TSPAN16: variants seen among roughly 807,000 people sequenced by gnomAD.
TSPAN16 encodes tetraspanin 16, also known as tetraspanin-16.
In TSPAN16, 23 loss-of-function variants were observed where a neutral mutation model predicts 25.2. The observed-to-expected ratio is 0.91, with a 90% CI of 0.66 to 1.29. The LOEUF (loss-of-function observed/expected upper bound fraction) is 1.29, where lower values mean the gene tolerates loss of function less well. Among genes scored for constraint, TSPAN16 ranks in the 50% most tolerant of loss-of-function variants. TSPAN16 has a pLI of 0.00. For synonymous variants in TSPAN16, 123 were observed against 124.4 expected, an observed-to-expected ratio of 0.99 and a Z score of 0.08; for missense variants, 272 against 299.9, an observed-to-expected ratio of 0.91 and a Z score of 0.69.
chr19:11,316,086 G>GGTGTGTGTGTGTGTGTGTGTGTGT (rs147500274), downstream of TSPAN16: 6 of 256,484 alleles, frequency 2.3e-5, no homozygotes, highest in African/African-American at 1.8e-4. Flanking sequence ...AATTATTCTT[G>GGTGTGTGTGTGTGTGTGTGTGTGT]GTGTGTGTGT....
downstream of TSPAN16, among the ~76,000 whole-genome samples, chr19:11,318,105 C>T (rs1404534517): frequency 6.6e-6 from 1 of 151,980 alleles, no homozygotes; most frequent in Non-Finnish European, 1.5e-5. Context: ...CGGCTCACTG[C>T]GAGCTCCGCC....
At chr19:11,312,783 G>A (rs905922925) in intron 6 of TSPAN16, among the ~76,000 whole-genome samples, 1 of 151,750 alleles carries the variant, frequency 6.6e-6, no homozygotes, top group Admixed American at 6.6e-5. Flanking sequence ...AAAATTGACA[G>A]AACTTTAGTA....
At chr19:11,320,354 T>C (rs535763437), downstream of TSPAN16, among the ~76,000 whole-genome samples, 3 of 152,030 alleles carry the variant, frequency 2.0e-5, no homozygotes, top group South Asian at 6.2e-4. Context: ...ACTCCTGACC[T>C]CAAGTGATCC....
intron 6 of TSPAN16, chr19:11,324,817 G>A (rs1329766055): frequency 6.6e-6 from 1 of 152,534 alleles, no homozygotes; most frequent in African/African-American, 2.4e-5. Flanking sequence ...CTTCAATGCT[G>A]CTTTTCGCAA....
chr19:11,318,267 C>T (rs574848235), downstream of TSPAN16, among the ~76,000 whole-genome samples: 108 of 151,900 alleles, frequency 7.1e-4, no homozygotes, highest in African/African-American at 2.4e-3. Flanking sequence ...CCTCGTGATC[C>T]GCCCCCCTAG....
At chr19:11,312,993 T>G (rs530700821) in intron 6 of TSPAN16, among the ~76,000 whole-genome samples, 1 of 151,852 alleles carries the variant, frequency 6.6e-6, no homozygotes, top group East Asian at 1.9e-4. Context: ...CAAGAAGAAA[T>G]AGAATATGTA....
downstream of TSPAN16, chr19:11,316,086 GGTGTGTGTGTGTGTGT>G (rs147500274): frequency 7.8e-6 from 2 of 256,320 alleles, no homozygotes; most frequent in Admixed American, 7.4e-5. Context: ...AATTATTCTT[GGTGTGTGTGTGTGTGT>G]GTGTGTGTGT....
At chr19:11,321,917 G>C (rs907571280) in intron 6 of TSPAN16, 3 of 152,236 alleles carry the variant, frequency 2.0e-5, no homozygotes, top group Non-Finnish European at 4.4e-5. Context: ...AGGTCAAGGT[G>C]GTGGCCATGG....
At chr19:11,303,795 T>G (rs1476000524) in intron 4 of TSPAN16, among the ~76,000 whole-genome samples, 2 of 151,512 alleles carry the variant, frequency 1.3e-5, no homozygotes, top group South Asian at 2.1e-4. Context: ...TGGGTTTGTT[T>G]TTTTTTGAGA....
In TSPAN16 at chr19:11,310,587, G is replaced by A. The variant is rs113601756; in HGVS notation, c.604-1552G>A. On this transcript the variant is annotated intron_variant, in intron 5 of 6. Coordinates refer to ENST00000590327, the MANE Select transcript of TSPAN16 (RefSeq NM_001282509.2). ...ATCTTCAGGAGGATGCCCTGCCAAC[G>A]CACTTTGCCTGGTATCCTAATATCT... 3.3e-4 allele frequency among the ~76,000 whole-genome samples: 50 copies of A among 151,040 alleles called. 1 individual carries two copies. The highest frequency in any genetic ancestry group is 8.4e-4 in the South Asian group (4 of 4,758).
intron 4 of TSPAN16, 116 bp downstream of exon 4, chr19:11,301,424 G>C (rs537911854): frequency 1.5e-6 from 1 of 683,006 alleles, no homozygotes; most frequent in South Asian, 1.6e-5. Flanking sequence ...AGGATCACTT[G>C]AGGTCAGGAG....
intron 6 of TSPAN16, chr19:11,324,313 GGGC>G (rs1389182780): frequency 6.6e-6 from 1 of 151,864 alleles, no homozygotes; most frequent in Non-Finnish European, 1.5e-5. Flanking sequence ...TCACATCCCT[GGGC>G]CCTGCCGATG....
chr19:11,302,853 G>A (rs1448753699), intron 4 of TSPAN16, among the ~76,000 whole-genome samples: 1 of 151,138 alleles, frequency 6.6e-6, no homozygotes, highest in African/African-American at 2.4e-5. Context: ...TGAGTAGCTG[G>A]GACTGCAGGT....
chr19:11,318,771 T>C (rs897104135), downstream of TSPAN16, among the ~76,000 whole-genome samples: 11 of 152,122 alleles, frequency 7.2e-5, no homozygotes, highest in African/African-American at 2.6e-4. Flanking sequence ...CTCAGCCTCC[T>C]GAATAGTTGG....
At chr19:11,300,033 A>G (rs2147935948) in intron 3 of TSPAN16, among the ~76,000 whole-genome samples, 1 of 152,206 alleles carries the variant, frequency 6.6e-6, no homozygotes, top group Admixed American at 6.5e-5. Flanking sequence ...ATTGCAAAGA[A>G]CCTAGTGAGT....
At chr19:11,315,093 G>A (rs1031388687) in intron 6 of TSPAN16, among the ~76,000 whole-genome samples, 2 of 151,188 alleles carry the variant, frequency 1.3e-5, no homozygotes, top group Admixed American at 6.6e-5. Context: ...AAAATTAGCC[G>A]GGCGTGGTGC....
At chr19:11,314,895 A>C (rs1338067898) in intron 6 of TSPAN16, among the ~76,000 whole-genome samples, 1 of 152,094 alleles carries the variant, frequency 6.6e-6, no homozygotes, top group Non-Finnish European at 1.5e-5. Flanking sequence ...GTTATGTGGC[A>C]GTGGAGTCTG....
Position 11,298,203 on chromosome 19 carries a change from C to T in TSPAN16, c.131C>T (p.Thr44Met), listed in dbSNP as rs768255025. The change falls in exon 2 of 7, where the codon ACG becomes ATG. Residue 44 changes from threonine to methionine, a missense_variant. By Grantham distance (81) the Thr-to-Met change is moderately conservative (BLOSUM62 -1). Transcript: ENST00000590327. ...GGTAAATGTGGAGGGGCCTCTCTGA[C>T]GAATGTCCTCGGGCTGTCCTCCGCA... ...IGGKCGGASL[T>M]NVLGLSSAYL... 1.8e-5 allele frequency: 29 copies of T among 1,614,024 alleles called. No individual in the cohort carries two copies. In the African/African-American group the frequency reaches 2.0e-4, roughly 11 times the overall value.
chr19:11,325,200 G>A (rs1031782347), intron 6 of TSPAN16: 7 of 539,592 alleles, frequency 1.3e-5, no homozygotes, highest in Admixed American at 6.3e-5. Flanking sequence ...CCCATGGTCC[G>A]CAGCCTCCCA....
Sources: gnomAD v4.1 joint callset for allele counts (sites outside exome capture counted in the v4.1 genomes callset) on GRCh38, gnomAD v4.1.1 for gene constraint, MANE v1.5 for transcripts, NCBI Gene and HGNC (gene_info 2026-07-23, HGNC 2026-07-21) for gene names.